Variants in HEATR5B observed in about 807,000 individuals in gnomAD.
HEATR5B encodes HEAT repeat containing 5B.
In HEATR5B, 156 loss-of-function variants were observed where a neutral mutation model predicts 224.1. The ratio of observed to expected loss-of-function variants is 0.70; its 90% CI spans 0.61 to 0.80. HEATR5B has a LOEUF of 0.80. Ranked by LOEUF, HEATR5B falls within the 30% of genes least tolerant of loss-of-function variation. The pLI is 0.00. For missense variants in HEATR5B, 2,323 were observed against 2,535.5 expected (o/e 0.92, Z 1.80); for synonymous variants, 1,027 against 893.0 (o/e 1.15, Z -2.68).
intron 14 of HEATR5B, among the ~76,000 whole-genome samples, chr2:37,057,838 G>A (rs914942663): frequency 2.0e-5 from 3 of 152,078 alleles, no homozygotes; most frequent in Non-Finnish European, 2.9e-5. Flanking sequence ...GCAAGACCCT[G>A]TCTGAAAGAC....
rs1277031108 is a variant in HEATR5B, at chr2:37,071,700, T to G, written c.769+410A>C. 2.9e-3 allele frequency among the ~76,000 whole-genome samples: 448 copies of G among 152,110 alleles called. 2 individuals are homozygous for G. Among genetic ancestry groups the G allele is most frequent in the African/African-American group, 9.3e-3 (385 of 41,462 alleles). On this transcript the variant is annotated intron_variant, in intron 6 of 35. Coordinates refer to ENST00000233099, the MANE Select transcript of HEATR5B (RefSeq NM_019024.3). The stretch of plus-strand genomic sequence containing the variant: ...GGTTCTTTTTTTTTTTTTTTAATTT[T>G]TTGAGATGGAGTCTTGCTCTGTCGC...
At chr2:37,036,527 T>G (rs140580580) in intron 21 of HEATR5B, among the ~76,000 whole-genome samples, 1 of 145,096 alleles carries the variant, frequency 6.9e-6, no homozygotes, top group East Asian at 1.9e-4. Context: ...TTTTTTTTTT[T>G]TGAGACAGAG....
chr2:37,046,063 A>G (rs1039651829), intron 18 of HEATR5B, among the ~76,000 whole-genome samples: 6 of 152,230 alleles, frequency 3.9e-5, no homozygotes, highest in African/African-American at 1.4e-4. Flanking sequence ...CTAGTAATGT[A>G]GAGATTTGAA....
chr2:37,045,486 C>T (rs182811611), intron 18 of HEATR5B, among the ~76,000 whole-genome samples: 3 of 152,284 alleles, frequency 2.0e-5, no homozygotes, highest in East Asian at 1.9e-4. Flanking sequence ...GAGGGCTTCA[C>T]CTCAGGAGGT....
chr2:37,015,774 T>G (rs1668073220), intron 26 of HEATR5B, among the ~76,000 whole-genome samples: 2 of 152,148 alleles, frequency 1.3e-5, no homozygotes, highest in Non-Finnish European at 1.5e-5. Context: ...CAGCAGGCAA[T>G]TAAAAACTTG....
chr2:37,072,131 A>C lies in HEATR5B; in HGVS notation c.748T>G (p.Leu250Val). ...ATACCTGTTGCCTGTTTTGGCATTA[A>C]TGCTGTGGCCATGACTGTTCCTAAA... ...KLLGTVMATA[L>V]MPKQATVMRQ... is the part of the protein sequence containing the mutation. The change falls in exon 6 of 36, where the codon TTA becomes GTA. Residue 250 changes from leucine (L) to valine (V), a missense_variant. Transcript: ENST00000233099. 5 of 1,613,678 alleles carry C rather than the reference A, an allele frequency of 3.1e-6. No individual in the cohort carries two copies. The highest frequency in any genetic ancestry group is 4.2e-6 in the Non-Finnish European group (5 of 1,179,764).
chr2:37,043,571 T>C (rs1670006464), intron 18 of HEATR5B, among the ~76,000 whole-genome samples: 2 of 151,980 alleles, frequency 1.3e-5, no homozygotes, highest in Admixed American at 1.3e-4. Context: ...TGGTCCTGAT[T>C]TGGCTTCTTA....
intron 26 of HEATR5B, among the ~76,000 whole-genome samples, chr2:37,019,595 T>C (rs72873859): frequency 6.6e-6 from 1 of 151,802 alleles, no homozygotes; most frequent in Admixed American, 6.6e-5. Context: ...TAGCCTGGAC[T>C]ACAGGTGTAT....
Position 37,071,702 on chromosome 2 carries a change from T to G in HEATR5B, c.769+408A>C, listed in dbSNP as rs1315515353. Among the ~76,000 whole-genome samples, 446 of 151,912 alleles carry G rather than the reference T, an allele frequency of 2.9e-3. 2 individuals carry two copies. The highest frequency in any genetic ancestry group is 9.3e-3 in the African/African-American group (383 of 41,386). On this transcript the variant is annotated intron_variant, in intron 6 of 35. Coordinates refer to ENST00000233099, the MANE Select transcript of HEATR5B (RefSeq NM_019024.3). ...TTCTTTTTTTTTTTTTTTAATTTTT[T>G]GAGATGGAGTCTTGCTCTGTCGCCC...
intron 29 of HEATR5B, among the ~76,000 whole-genome samples, chr2:37,006,559 T>A (rs1355601891): frequency 6.6e-6 from 1 of 152,208 alleles, no homozygotes; most frequent in Non-Finnish European, 1.5e-5. Flanking sequence ...GAGAATCGCT[T>A]GAACCCAGGA....
At chr2:37,041,096 C>T in intron 19 of HEATR5B, 37 bp downstream of exon 19, 1 of 1,561,494 alleles carries the variant, frequency 6.4e-7, no homozygotes, top group South Asian at 1.2e-5. Context: ...AAAAAATTTT[C>T]TAAACTTTTG....
intron 18 of HEATR5B, among the ~76,000 whole-genome samples, chr2:37,045,218 T>G (rs560935360): frequency 1.2e-4 from 19 of 152,310 alleles, no homozygotes; most frequent in African/African-American, 2.6e-4. Context: ...TTCTATTGAT[T>G]GATGTTTTCT....
chr2:37,065,080 G>A, intron 9 of HEATR5B, 90 bp from the exon 10 acceptor site: 1 of 1,316,660 alleles, frequency 7.6e-7, no homozygotes, highest in Non-Finnish European at 1.1e-6. Context: ...TAACTGAAAT[G>A]ACAATCACCA....
chr2:37,055,522 CA>C (rs1670852490), intron 16 of HEATR5B, among the ~76,000 whole-genome samples: 1 of 152,180 alleles, frequency 6.6e-6, no homozygotes, highest in Non-Finnish European at 1.5e-5. Flanking sequence ...ATTTATGTGG[CA>C]ACCAAATGTT....
chr2:37,033,305 A>G (rs905331232), intron 21 of HEATR5B, among the ~76,000 whole-genome samples: 2 of 152,222 alleles, frequency 1.3e-5, no homozygotes, highest in African/African-American at 4.8e-5. Flanking sequence ...TACAAAAAAT[A>G]TGTTAGTAGC....
chr2:37,068,340 T>C (rs996078607), intron 8 of HEATR5B, among the ~76,000 whole-genome samples: 2 of 152,210 alleles, frequency 1.3e-5, no homozygotes, highest in African/African-American at 2.4e-5. Context: ...TAAAAATATA[T>C]GTTTATAAAA....
At chr2:37,018,640 T>C in intron 26 of HEATR5B, among the ~76,000 whole-genome samples, 1 of 152,158 alleles carries the variant, frequency 6.6e-6, no homozygotes, top group Admixed American at 6.5e-5. Flanking sequence ...TATTGCAGAA[T>C]CTTCTCTGCA....
At position 36,988,832 on chromosome 2, in the gene HEATR5B, G is replaced by A. The variant is rs1666125155; in HGVS notation, c.5725C>T (p.Leu1909Phe). 1 of 1,613,996 alleles carries A rather than the reference G, an allele frequency of 6.2e-7. No homozygotes were observed. Among genetic ancestry groups the A allele is most frequent in the Non-Finnish European group, 8.5e-7 (1 of 1,179,918 alleles). ...CGATTGGAATGCTGGAAGACTGAGA[G>A]GAGAAGCTGGTAACATTTGGCTTGA... is the stretch of plus-strand genomic sequence containing the variant. ...WVQAKCYQLL[L>F]SVFQHSNRAL... The change falls in exon 35 of 36, where the codon CTC becomes TTC. Residue 1909 changes from leucine (L) to phenylalanine (F), a missense_variant. This residue lies in a region of HEATR5B where 844 missense variants were observed against 812.9 expected (regional missense o/e 1.04). Coordinates refer to ENST00000233099, the MANE Select transcript of HEATR5B (RefSeq NM_019024.3).
chr2:37,005,626 C>T lies in HEATR5B; in HGVS notation c.4905+6G>A, dbSNP rs763852424. 3 of 1,612,882 alleles carry T rather than the reference C, an allele frequency of 1.9e-6. No homozygotes were observed. The highest frequency in any genetic ancestry group is 2.5e-6 in the Non-Finnish European group (3 of 1,179,172). ...CACAAGTATCTATCATAGCAATACA[C>T]TGTACCTGATCTTCTGCAATATGGA... On this transcript the variant is annotated splice_donor_region_variant and intron_variant, in intron 30 of 35. Coordinates refer to ENST00000233099, the MANE Select transcript of HEATR5B (RefSeq NM_019024.3).
Sources: allele counts gnomAD v4.1 joint callset (sites outside exome capture counted in the v4.1 genomes callset), GRCh38; gene constraint gnomAD v4.1.1; regional missense constraint gnomAD v4.1.1; transcripts MANE v1.5; gene names NCBI Gene and HGNC (gene_info 2026-07-23, HGNC 2026-07-21).